PAXIP1: variants seen among roughly 807,000 people sequenced by gnomAD.
PAXIP1 encodes the protein PAX-interacting protein 1.
In PAXIP1, 19 loss-of-function variants were observed where a neutral mutation model predicts 140.6. That is an observed-to-expected ratio of 0.14 (90% confidence interval 0.09 to 0.20). The LOEUF is 0.20. Ranked by LOEUF, PAXIP1 falls within the 10% of genes least tolerant of loss-of-function variation. PAXIP1 has a pLI of 1.00. For missense variants in PAXIP1, 920 were observed against 1,208.6 expected (o/e 0.76, Z 3.54); for synonymous variants, 442 against 444.6 (o/e 0.99, Z 0.07).
Position 154,976,132 on chromosome 7 carries a change from C to T in PAXIP1, c.638G>A (p.Ser213Asn), listed in dbSNP as rs745791091. ...GGCAGGGCTTGACTTCTCATCTGTA[C>T]TACCCTCATTCTGAGAATCTTGTTC... is the stretch of plus-strand genomic sequence containing the variant. ...NEEQDSQNEG[S>N]TDEKSSPASS... is the part of the protein sequence containing the mutation. Residue 213 changes from serine to asparagine, a missense_variant, in exon 6 of 21, where the codon AGT (serine) becomes AAT (asparagine). By Grantham distance (46) the Ser-to-Asn change is conservative. Around this residue, in one of 5 missense-constraint regions of PAXIP1, gnomAD observed 419 missense variants for 514.7 expected, o/e 0.81. Coordinates refer to ENST00000404141, the MANE Select transcript of PAXIP1 (RefSeq NM_007349.4). The T allele has an allele frequency of 4.6e-5, 73 of 1,572,642 alleles. No individual in the cohort carries two copies. The highest frequency in any genetic ancestry group is 6.1e-5 in the Non-Finnish European group (71 of 1,157,442).
At chr7:154,982,715 GT>G (rs1809899402) in intron 5 of PAXIP1, among the ~76,000 whole-genome samples, 1 of 152,160 alleles carries the variant, frequency 6.6e-6, no homozygotes, top group African/African-American at 2.4e-5. Context: ...GGTCTTACTT[GT>G]GGAAACAAAA....
intron 8 of PAXIP1, chr7:154,965,167 G>A (rs772630976): frequency 6.6e-6 from 1 of 152,392 alleles, no homozygotes; most frequent in Non-Finnish European, 1.5e-5. Context: ...CCTGGGGAAG[G>A]GAGCCAGCTG....
Position 154,962,477 on chromosome 7 carries a change from T to C in PAXIP1, c.1990-19A>G. ...TTATTGCCTGTCAAACATAAAATTA[T>C]AGGTTTGTTGTTTTTGTTTTTCTGC... On this transcript the variant is annotated intron_variant, in intron 9 of 20. Coordinates refer to ENST00000404141, the MANE Select transcript of PAXIP1 (RefSeq NM_007349.4). The C allele has an allele frequency of 1.9e-6, 3 of 1,605,848 alleles. No homozygotes were observed. Among genetic ancestry groups the C allele is most frequent in the Non-Finnish European group, 1.7e-6 (2 of 1,174,718 alleles).
chr7:154,975,751 T>A lies in PAXIP1; in HGVS notation c.1019A>T (p.Asn340Ile), dbSNP rs767514044. Residue 340 changes from asparagine to isoleucine, a missense_variant, in exon 6 of 21, where the codon AAT (asparagine) becomes ATT (isoleucine). By Grantham distance (149) the Asn-to-Ile change is moderately radical. Transcript: ENST00000404141. ...CTGAATGTCAGCATTATTAGTAATATTCCTCAGTGTCCGTACAGCTGGACT... is the reference window on the plus strand; with the variant it reads ...CTGAATGTCAGCATTATTAGTAATAATCCTCAGTGTCCGTACAGCTGGACT... ...TWSPAVRTLR[N>I]ITNNADIQQM... 1 of 1,613,914 alleles carries A rather than the reference T, an allele frequency of 6.2e-7. No individual in the cohort carries two copies. Among genetic ancestry groups the A allele is most frequent in the South Asian group, 1.1e-5 (1 of 91,064 alleles).
At position 154,956,788 on chromosome 7, in the gene PAXIP1, A is replaced by AG; in HGVS notation, c.2549+435_2549+436insC. On this transcript the variant is annotated intron_variant, in intron 14 of 20. Coordinates refer to ENST00000404141, the MANE Select transcript of PAXIP1 (RefSeq NM_007349.4). The surrounding 1 kb of genome is among the most constrained non-coding windows in gnomAD (Gnocchi z 4.2). ...GCCACAGCCTACATGCTCTCTCGGC[A>AG]CCTACATGCTCTCTCGGCACCTACA... The AG allele has an allele frequency of 6.5e-6, 1 of 154,736 alleles. No individual in the cohort carries two copies. Among genetic ancestry groups the AG allele is most frequent in the Admixed American group, 6.5e-5 (1 of 15,296 alleles). The allele number at this position is 154,736 out of a possible 1,614,324, so 9.6% of individuals were successfully genotyped here.
chr7:154,999,371 G>C (rs929985621), intron 1 of PAXIP1, among the ~76,000 whole-genome samples: 2 of 152,164 alleles, frequency 1.3e-5, no homozygotes, highest in Non-Finnish European at 2.9e-5. Flanking sequence ...GGCCACTGAA[G>C]GATTTCACAC....
In PAXIP1 at chr7:154,944,089, G is replaced by T. The variant is rs186131982; in HGVS notation, c.*60C>A. On this transcript the variant is annotated 3_prime_UTR_variant, in exon 21 of 21. Transcript: ENST00000404141. The stretch of plus-strand genomic sequence containing the variant: ...TGTGAAGGAAGCGCAGCAGCTCCTC[G>T]CCAGCCAGACAGCCAGCCCCGCACC... 29 of 1,582,948 alleles carry T rather than the reference G, an allele frequency of 1.8e-5. No homozygotes were observed. Among genetic ancestry groups the T allele is most frequent in the African/African-American group, 2.7e-5 (2 of 74,256 alleles).
At chr7:154,959,000 C>T (rs1305138528) in intron 13 of PAXIP1, among the ~76,000 whole-genome samples, 1 of 152,122 alleles carries the variant, frequency 6.6e-6, no homozygotes, top group African/African-American at 2.4e-5. Flanking sequence ...AAGAAGAAAA[C>T]AAGACTGTGG....
intron 4 of PAXIP1, chr7:154,985,918 T>C: frequency 2.2e-6 from 2 of 913,672 alleles, no homozygotes; most frequent in Non-Finnish European, 3.0e-6. Context: ...ATACTGTTGA[T>C]TGAGATACAG....
In PAXIP1 at chr7:154,963,726, G is replaced by A; in HGVS notation, c.1934C>T (p.Thr645Met). Reference sequence around the variant, plus strand: ...ACAGAGAAGGTGCGTGCATCGACTCGTGAAGGTGGGGTCAACAGTGCCGCC... The same window carrying A: ...ACAGAGAAGGTGCGTGCATCGACTCATGAAGGTGGGGTCAACAGTGCCGCC... ...AHGGTVDPTF[T>M]SRCTHLLCES... Residue 645 changes from threonine (T) to methionine (M), a missense_variant, in exon 9 of 21, where the codon ACG becomes ATG. Transcript: ENST00000404141. This position sits in a 1 kb window ranked among gnomAD's most constrained non-coding sequence, Gnocchi z 4.1. 6.2e-7 allele frequency: 1 copy of A among 1,613,514 alleles called. No individual in the cohort carries two copies. Among genetic ancestry groups the A allele is most frequent in the Non-Finnish European group, 8.5e-7 (1 of 1,179,708 alleles).
Position 154,963,183 on chromosome 7 carries a change from T to C in PAXIP1, c.1989+488A>G, listed in dbSNP as rs1203969074. Among the ~76,000 whole-genome samples, 1 of 151,804 alleles carries C rather than the reference T, an allele frequency of 6.6e-6. No homozygotes were observed. The highest frequency in any genetic ancestry group is 1.5e-5 in the Non-Finnish European group (1 of 67,930). ...GGGAGTGTCCGCCCTTTCTTTCTTT[T>C]ATTTTTTTTTGAGATGGAGTCTCGC... On this transcript the variant is annotated intron_variant, in intron 9 of 20. Transcript: ENST00000404141. The surrounding 1 kb of genome is among the most constrained non-coding windows in gnomAD (Gnocchi z 4.1).
chr7:154,956,842 C>T lies in PAXIP1; in HGVS notation c.2549+382G>A, dbSNP rs562894380. ...TCTCTCGGCAGCCTACATGCTCTCT[C>T]GGCAGCCTACACGCTCTCTTGGCAT... On this transcript the variant is annotated intron_variant, in intron 14 of 20. Transcript: ENST00000404141. This position sits in a 1 kb window ranked among gnomAD's most constrained non-coding sequence, Gnocchi z 4.2. 17 of 162,874 alleles carry T rather than the reference C, an allele frequency of 1.0e-4. No individual in the cohort carries two copies. In the South Asian group the frequency reaches 3.0e-3, roughly 28 times the overall value. The allele number at this position is 162,874 out of a possible 1,614,324, so 10.1% of individuals were successfully genotyped here.
chr7:154,943,835 C>G lies in PAXIP1; in HGVS notation c.*314G>C. The G allele has an allele frequency of 3.1e-6, 1 of 317,594 alleles. No homozygotes were observed. Among genetic ancestry groups the G allele is most frequent in the African/African-American group, 2.1e-5 (1 of 46,904 alleles). The allele number at this position is 317,594 out of a possible 1,614,324, so 19.7% of individuals were successfully genotyped here. On this transcript the variant is annotated 3_prime_UTR_variant, in exon 21 of 21. Transcript: ENST00000404141. ...AGAGATAGCAAGGTCTTTATTTACA[C>G]CATTTTATTTCTAGTTGAAGTCCCG...
In PAXIP1 at chr7:154,961,030, C is replaced by G; in HGVS notation, c.2297G>C (p.Cys766Ser). 1 of 1,600,442 alleles carries G rather than the reference C, an allele frequency of 6.2e-7. No individual in the cohort carries two copies. Among genetic ancestry groups the G allele is most frequent in the Non-Finnish European group, 8.5e-7 (1 of 1,172,954 alleles). ...YEKAKEWRIP[C>S]VNAQWLGDIL... ...GTCGCCAAGCCACTGGGCGTTGACA[C>G]AGGGTATCCTCCACTCTTTGGCTTT... is the stretch of plus-strand genomic sequence containing the variant. Residue 766 changes from cysteine to serine, a missense_variant, in exon 12 of 21, where the codon TGT (cysteine) becomes TCT (serine). Physicochemically the swap from Cys to Ser is moderately radical, Grantham distance 112. Around this residue, in one of 5 missense-constraint regions of PAXIP1, gnomAD observed 303 missense variants for 517.9 expected, o/e 0.59. Transcript: ENST00000404141.
Position 154,961,440 on chromosome 7 carries a change from G to A in PAXIP1, c.2249+87C>T, listed in dbSNP as rs571386892. The A allele has an allele frequency of 1.8e-5, 19 of 1,083,632 alleles. No homozygotes were observed. The East Asian group carries it at 4.7e-4, about 27-fold the overall frequency. 67.1% of individuals were successfully genotyped at this position (1,083,632 alleles called of 1,614,324 possible). A position where few individuals can be genotyped will look rare whatever the true frequency, so the allele number is the denominator to read the frequency against. ...CCACAAATTTCTACCACAAAACTAT[G>A]ACATACTAAAAAAGGCACAATTATT... On this transcript the variant is annotated intron_variant, in intron 11 of 20. Transcript: ENST00000404141.
Position 155,002,967 on chromosome 7 carries a change from GCCCCGCCCACCCCCCGC to G in PAXIP1, c.-55_-39del, listed in dbSNP as rs1376405462. 2 of 976,218 alleles carry G rather than the reference GCCCCGCCCACCCCCCGC, an allele frequency of 2.0e-6. No homozygotes were observed. Among genetic ancestry groups the G allele is most frequent in the Non-Finnish European group, 2.5e-6 (2 of 794,272 alleles). The allele number at this position is 976,218 out of a possible 1,614,324, so 60.5% of individuals were successfully genotyped here. ...CCGGGAGGCTCCGCGGCGGCGCCCG[GCCCCGCCCACCCCCCGC>G]CCCCGGCCCCCGCGGCGCCCGGCGC... On this transcript the variant is annotated 5_prime_UTR_variant, in exon 1 of 21. Transcript: ENST00000404141.
chr7:154,991,100 A>G lies in PAXIP1; in HGVS notation c.261-31T>C, dbSNP rs1285854795. ...TTATAGTTATTAAGATTACAATGAA[A>G]TAAGATTAGTGCAACCTGTACTTCA... is the stretch of plus-strand genomic sequence containing the variant. On this transcript the variant is annotated intron_variant, in intron 3 of 20. Transcript: ENST00000404141. 9 of 1,220,768 alleles carry G rather than the reference A, an allele frequency of 7.4e-6. No homozygotes were observed. The South Asian group carries it at 9.6e-5, about 13-fold the overall frequency. 75.6% of individuals were successfully genotyped at this position (1,220,768 alleles called of 1,614,324 possible).
At position 154,976,117 on chromosome 7, in the gene PAXIP1, G is replaced by A; in HGVS notation, c.653C>T (p.Ser218Leu). The change falls in exon 6 of 21, where the codon TCA becomes TTA. Residue 218 changes from serine to leucine, a missense_variant. Around this residue, in one of 5 missense-constraint regions of PAXIP1, gnomAD observed 419 missense variants for 514.7 expected, o/e 0.81. Transcript: ENST00000404141. ...SQNEGSTDEK[S>L]SPASSQEGSP... Reference sequence around the variant, plus strand: ...CCCTTCTTGAGAGCTGGCAGGGCTTGACTTCTCATCTGTACTACCCTCATT... The same window carrying A: ...CCCTTCTTGAGAGCTGGCAGGGCTTAACTTCTCATCTGTACTACCCTCATT... 2.5e-6 allele frequency: 4 copies of A among 1,570,698 alleles called. No individual in the cohort carries two copies. The highest frequency in any genetic ancestry group is 2.6e-6 in the Non-Finnish European group (3 of 1,156,372).
At chr7:154,968,006 T>C (rs779741811) in intron 7 of PAXIP1, 96 bp from the exon 8 acceptor site, 2 of 738,542 alleles carry the variant, frequency 2.7e-6, no homozygotes, top group Non-Finnish European at 4.5e-6. Flanking sequence ...CAATCTGTTA[T>C]GTTTATCAGT....
Sources: gnomAD v4.1 joint callset for allele counts (sites outside exome capture counted in the v4.1 genomes callset) on GRCh38, gnomAD v4.1.1 for gene constraint, gnomAD v4.1.1 regional missense constraint, Gnocchi (gnomAD v3.1) non-coding constraint, MANE v1.5 for transcripts, NCBI Gene and HGNC (gene_info 2026-07-23, HGNC 2026-07-21) for gene names.